The following SLC9A9 variants were observed in gnomAD, a reference collection of about 807,000 sequenced individuals.
The protein encoded by SLC9A9 is sodium/hydrogen exchanger 9.
SLC9A9 carries 62 observed loss-of-function variants against 77.8 expected under a neutral mutation model. The ratio of observed to expected loss-of-function variants is 0.80; its 90% CI spans 0.65 to 0.98. The LOEUF (loss-of-function observed/expected upper bound fraction) is 0.98. SLC9A9 is among the 50% of genes least tolerant of loss of function. SLC9A9 has a pLI of 0.00. For synonymous variants in SLC9A9, 320 were observed against 283.5 expected, an observed-to-expected ratio of 1.13 and a Z score of -1.29; for missense variants, 775 against 774.9, an observed-to-expected ratio of 1.00 and a Z score of 0.00.
chr3:143,419,524 G>A (rs539862028), intron 12 of SLC9A9, among the ~76,000 whole-genome samples: 7 of 152,148 alleles, frequency 4.6e-5, no homozygotes, highest in African/African-American at 9.6e-5. Context: ...ATCTCCTTCC[G>A]TTTCTATCAG....
At chr3:143,388,757 T>C (rs2033486361) in intron 12 of SLC9A9, among the ~76,000 whole-genome samples, 1 of 152,170 alleles carries the variant, frequency 6.6e-6, no homozygotes, top group African/African-American at 2.4e-5. Context: ...ATTCCTGCCA[T>C]CAATGACCCA....
chr3:143,667,141 C>T (rs576543306), intron 5 of SLC9A9, among the ~76,000 whole-genome samples: 111 of 152,224 alleles, frequency 7.3e-4, no homozygotes, highest in South Asian at 5.6e-3. Context: ...GAGATATAGA[C>T]CAATGGAACA....
chr3:143,416,713 C>G (rs73144771), intron 12 of SLC9A9, among the ~76,000 whole-genome samples: 14,175 of 152,168 alleles, frequency 0.093, 771 homozygotes, highest in East Asian at 0.16. Flanking sequence ...CACTTTATTA[C>G]AGTGGTTTGG....
intron 2 of SLC9A9, among the ~76,000 whole-genome samples, chr3:143,814,233 T>C (rs527806428): frequency 1.4e-4 from 21 of 152,296 alleles, no homozygotes; most frequent in African/African-American, 4.8e-4. Context: ...TGGAGGCTTC[T>C]GCTCACTAAG....
intron 6 of SLC9A9, among the ~76,000 whole-genome samples, chr3:143,622,914 G>A (rs1270790602): frequency 1.3e-5 from 2 of 152,136 alleles, no homozygotes; most frequent in Non-Finnish European, 2.9e-5. Flanking sequence ...AAGGGATGGA[G>A]GAAGATCTAC....
At chr3:143,739,971 T>G (rs537521676) in intron 4 of SLC9A9, among the ~76,000 whole-genome samples, 1 of 152,330 alleles carries the variant, frequency 6.6e-6, no homozygotes, top group East Asian at 1.9e-4. Flanking sequence ...TTTGGTCCTA[T>G]CCATGTTCTA....
intron 14 of SLC9A9, among the ~76,000 whole-genome samples, chr3:143,325,163 T>C (rs1322101897): frequency 6.6e-6 from 1 of 152,000 alleles, no homozygotes; most frequent in East Asian, 1.9e-4. Flanking sequence ...GTGGCCCTCC[T>C]TGAATTTGTC....
intron 1 of SLC9A9, among the ~76,000 whole-genome samples, chr3:143,836,255 A>T (rs976443601): frequency 1.3e-5 from 2 of 152,244 alleles, no homozygotes; most frequent in Admixed American, 6.5e-5. Context: ...TTATAAAGAC[A>T]TATTATTCAG....
intron 8 of SLC9A9, among the ~76,000 whole-genome samples, chr3:143,559,087 C>T (rs947100561): frequency 3.9e-5 from 6 of 152,106 alleles, no homozygotes; most frequent in African/African-American, 1.4e-4. Context: ...CTCCTGCCGC[C>T]CTGAGAAGAG....
At chr3:143,495,191 A>G in intron 10 of SLC9A9, 144 bp downstream of exon 10, 1 of 664,388 alleles carries the variant, frequency 1.5e-6, no homozygotes. Flanking sequence ...TTCCTCCCCT[A>G]ACTAGAAATC....
intron 13 of SLC9A9, among the ~76,000 whole-genome samples, chr3:143,367,783 G>A (rs2032951140): frequency 6.6e-6 from 1 of 152,146 alleles, no homozygotes. Flanking sequence ...ATCACAAGTT[G>A]AATCTGGAAC....
intron 11 of SLC9A9, 127 bp downstream of exon 11, chr3:143,493,526 G>T: frequency 1.3e-6 from 1 of 772,340 alleles, no homozygotes; most frequent in Non-Finnish European, 2.2e-6. Flanking sequence ...AATCAGCATA[G>T]TGTTAGGTAC....
intron 14 of SLC9A9, among the ~76,000 whole-genome samples, chr3:143,346,734 C>T (rs1051817759): frequency 5.9e-5 from 9 of 151,936 alleles, no homozygotes; most frequent in African/African-American, 2.2e-4. Context: ...CGGAGGTTGC[C>T]GTGAGCCGAG....
chr3:143,411,752 A>C (rs1372513544), intron 12 of SLC9A9, among the ~76,000 whole-genome samples: 3 of 152,082 alleles, frequency 2.0e-5, no homozygotes, highest in Non-Finnish European at 4.4e-5. Flanking sequence ...CCCTGGTTAC[A>C]AGAGTCCTCT....
chr3:143,484,393 C>A (rs1354760211), intron 11 of SLC9A9, among the ~76,000 whole-genome samples: 1 of 152,126 alleles, frequency 6.6e-6, no homozygotes, highest in Non-Finnish European at 1.5e-5. Context: ...TGTCTTCTGG[C>A]AAATATATTT....
chr3:143,794,269 C>A (rs964410253), intron 4 of SLC9A9, among the ~76,000 whole-genome samples: 6 of 152,084 alleles, frequency 3.9e-5, no homozygotes, highest in African/African-American at 1.4e-4. Context: ...ATAGAGTTGA[C>A]TGTATCAGAT....
chr3:143,685,240 G>T (rs1338930986), intron 5 of SLC9A9, among the ~76,000 whole-genome samples: 2 of 151,982 alleles, frequency 1.3e-5, no homozygotes, highest in Non-Finnish European at 2.9e-5. Context: ...TTATTAATGA[G>T]ATGTTTCACT....
At chr3:143,518,154 C>T (rs1258117493) in intron 9 of SLC9A9, 10 of 1,600,202 alleles carry the variant, frequency 6.2e-6, no homozygotes, top group Non-Finnish European at 8.5e-6. Context: ...CGCATTTCCT[C>T]GGTGTGCAGA....
intron 14 of SLC9A9, among the ~76,000 whole-genome samples, chr3:143,321,587 G>A (rs182015393): frequency 5.6e-4 from 85 of 152,240 alleles, no homozygotes; most frequent in African/African-American, 1.8e-3. Flanking sequence ...TCTGTTTCTC[G>A]TGAAACCACT....
Sources: gnomAD v4.1 joint callset for allele counts (sites outside exome capture counted in the v4.1 genomes callset) on GRCh38, gnomAD v4.1.1 for gene constraint, MANE v1.5 for transcripts, NCBI Gene and HGNC (gene_info 2026-07-23, HGNC 2026-07-21) for gene names.